The following BBX variants were observed in gnomAD, a reference collection of about 807,000 sequenced individuals.
The protein encoded by BBX is BBX high mobility group box domain containing.
In BBX, 30 loss-of-function variants were observed where a neutral mutation model predicts 100.2. The ratio of observed to expected loss-of-function variants is 0.30; its 90% CI spans 0.22 to 0.41. The LOEUF is 0.41. BBX is among the 10% of genes least tolerant of loss of function. BBX has a pLI of 1.00. For synonymous variants in BBX, 376 were observed against 388.1 expected (o/e 0.97, Z 0.37); for missense variants, 1,023 against 1,129.8 (o/e 0.91, Z 1.35).
chr3:107,692,170 T>TTTTATTTATTTA (rs201883262), intron 3 of BBX, among the ~76,000 whole-genome samples: 6,754 of 148,062 alleles, frequency 0.046, 430 homozygotes, highest in African/African-American at 0.14. Context: ...TTTTTAATTA[T>TTTTATTTATTTA]TTTATTTATT....
At chr3:107,573,560 A>C (rs1405765552) in intron 2 of BBX, among the ~76,000 whole-genome samples, 1 of 152,108 alleles carries the variant, frequency 6.6e-6, no homozygotes, top group Non-Finnish European at 1.5e-5. Context: ...ACTCCGTCTC[A>C]AAACAAACAA....
intron 3 of BBX, among the ~76,000 whole-genome samples, chr3:107,672,426 A>G (rs1021199679): frequency 3.9e-5 from 6 of 152,014 alleles, no homozygotes; most frequent in Admixed American, 1.3e-4. Flanking sequence ...TAAGTTGAGT[A>G]TGGGATTTCA....
At chr3:107,738,539 G>A (rs184030622) in intron 7 of BBX, among the ~76,000 whole-genome samples, 24 of 152,282 alleles carry the variant, frequency 1.6e-4, no homozygotes, top group Admixed American at 1.0e-3. Flanking sequence ...TTACCATTAG[G>A]TGAGGAAACA....
intron 3 of BBX, among the ~76,000 whole-genome samples, chr3:107,708,193 C>A (rs1251153542): frequency 6.7e-6 from 1 of 150,026 alleles, no homozygotes; most frequent in African/African-American, 2.5e-5. Context: ...CACAAGAAAT[C>A]TTCTCTTATT....
chr3:107,523,043 A>T lies in BBX; in HGVS notation c.-220A>T, dbSNP rs1164028682. On this transcript the variant is annotated 5_prime_UTR_variant, in exon 1 of 18. Coordinates refer to ENST00000325805, the MANE Select transcript of BBX (RefSeq NM_001142568.3). Reference sequence around the variant, plus strand: ...CGAGCTTCTCTCCACTTTCCCATAGAGAAACCCTGACTGGCCGCTGAGGGC... The same window carrying T: ...CGAGCTTCTCTCCACTTTCCCATAGTGAAACCCTGACTGGCCGCTGAGGGC... 1 of 154,286 alleles carries T rather than the reference A, an allele frequency of 6.5e-6. No homozygotes were observed. Among genetic ancestry groups the T allele is most frequent in the African/African-American group, 2.4e-5 (1 of 41,476 alleles). The allele number at this position is 154,286 out of a possible 1,614,324, so 9.6% of individuals were successfully genotyped here. A position where few individuals can be genotyped will look rare whatever the true frequency, so the allele number is the denominator to read the frequency against.
chr3:107,577,562 G>A (rs982165952), intron 2 of BBX, among the ~76,000 whole-genome samples: 1 of 152,096 alleles, frequency 6.6e-6, no homozygotes, highest in Non-Finnish European at 1.5e-5. Flanking sequence ...AATAGTACCT[G>A]CCTCACTGAT....
chr3:107,627,812 G>T (rs1007204991), intron 2 of BBX, among the ~76,000 whole-genome samples: 3 of 151,934 alleles, frequency 2.0e-5, no homozygotes, highest in Non-Finnish European at 4.4e-5. Context: ...AAGAAAGAAA[G>T]CATGAACTTT....
Position 107,673,326 on chromosome 3 carries a change from A to G in BBX, c.-10+27417A>G, listed in dbSNP as rs1274828167. 2.0e-5 allele frequency among the ~76,000 whole-genome samples: 3 copies of G among 152,210 alleles called. No individual in the cohort carries two copies. In the East Asian group the frequency reaches 5.8e-4, roughly 29 times the overall value. ...AATTAGATATGTTTGATTAGGGCAA[A>G]GAGTTTTTCTTGGGGTATGGTAGTA... On this transcript the variant is annotated intron_variant, in intron 3 of 17. Transcript: ENST00000325805.
Position 107,773,711 on chromosome 3 carries a change from C to T in BBX, c.1915+75C>T, listed in dbSNP as rs2067091113. The T allele has an allele frequency of 7.4e-7, 1 of 1,342,700 alleles. No individual in the cohort carries two copies. 83.2% of individuals were successfully genotyped at this position (1,342,700 alleles called of 1,614,324 possible). On this transcript the variant is annotated intron_variant, in intron 11 of 17. Coordinates refer to ENST00000325805, the MANE Select transcript of BBX (RefSeq NM_001142568.3). This position sits in a 1 kb window ranked among gnomAD's most constrained non-coding sequence, Gnocchi z 4.1. ...TCACCTTTAGACCTATTGAAAACAA[C>T]TGCCATAAAAAACAATATGGTATCA...
At chr3:107,659,410 AT>A (rs903549834) in intron 3 of BBX, among the ~76,000 whole-genome samples, 2 of 152,038 alleles carry the variant, frequency 1.3e-5, no homozygotes, top group African/African-American at 2.4e-5. Flanking sequence ...TTTATGTATA[AT>A]TTTTTGATGT....
intron 17 of BBX, among the ~76,000 whole-genome samples, chr3:107,803,342 A>T (rs1035397548): frequency 2.0e-5 from 3 of 151,900 alleles, no homozygotes; most frequent in African/African-American, 7.3e-5. Flanking sequence ...TTGAGCCCCT[A>T]CCTGTTAAAG....
At position 107,548,193 on chromosome 3, in the gene BBX, T is replaced by C. The variant is rs193182576; in HGVS notation, c.-84+21795T>C. 9.8e-4 allele frequency among the ~76,000 whole-genome samples: 149 copies of C among 152,342 alleles called. 1 individual carries two copies. The highest frequency in any genetic ancestry group is 3.4e-3 in the African/African-American group (142 of 41,574). On this transcript the variant is annotated intron_variant, in intron 2 of 17. Coordinates refer to ENST00000325805, the MANE Select transcript of BBX (RefSeq NM_001142568.3). ...ACAAGGCACTTAACCTCTTGGATTC[T>C]AGTTTCCTCATCCATAAACGAGGAA... is the stretch of plus-strand genomic sequence containing the variant.
At chr3:107,551,097 T>C (rs1427345182) in intron 2 of BBX, among the ~76,000 whole-genome samples, 2 of 152,210 alleles carry the variant, frequency 1.3e-5, no homozygotes, top group East Asian at 3.8e-4. Flanking sequence ...TTAAATAAAG[T>C]TATTATATCA....
chr3:107,733,035 CT>C lies in BBX; in HGVS notation c.669+16del. Reference sequence around the variant, plus strand: ...TTGGCACACCAGAGGTAAGCCAGTCCTTTTCCGTCTCCACTCTGCTCATACT... The same window carrying C: ...TTGGCACACCAGAGGTAAGCCAGTCCTTTCCGTCTCCACTCTGCTCATACT... On this transcript the variant is annotated intron_variant, in intron 7 of 17. Transcript: ENST00000325805. 1 of 1,609,496 alleles carries C rather than the reference CT, an allele frequency of 6.2e-7. No individual in the cohort carries two copies. The highest frequency in any genetic ancestry group is 8.5e-7 in the Non-Finnish European group (1 of 1,177,066).
At chr3:107,632,080 G>T (rs200911766) in intron 2 of BBX, among the ~76,000 whole-genome samples, 3 of 67,956 alleles carry the variant, frequency 4.4e-5, no homozygotes, top group Non-Finnish European at 6.0e-5. Flanking sequence ...TGCTTTTTTT[G>T]TTGTTGTTGT....
chr3:107,738,690 T>G (rs1309861995), intron 7 of BBX, among the ~76,000 whole-genome samples: 1 of 152,168 alleles, frequency 6.6e-6, no homozygotes, highest in Non-Finnish European at 1.5e-5. Context: ...CAATCCAACC[T>G]TAGCTCTGGC....
At chr3:107,620,036 G>T (rs1235445949) in intron 2 of BBX, among the ~76,000 whole-genome samples, 2 of 151,880 alleles carry the variant, frequency 1.3e-5, no homozygotes, top group Admixed American at 6.6e-5. Flanking sequence ...TAGTTCTTTT[G>T]TTACTGTTTC....
At chr3:107,680,015 C>G (rs1238651684) in intron 3 of BBX, among the ~76,000 whole-genome samples, 5 of 152,134 alleles carry the variant, frequency 3.3e-5, no homozygotes. Context: ...TCCCTGGGAT[C>G]AGGGAAGGCT....
chr3:107,682,874 C>T (rs2059640952), intron 3 of BBX, among the ~76,000 whole-genome samples: 1 of 152,134 alleles, frequency 6.6e-6, no homozygotes, highest in African/African-American at 2.4e-5. Context: ...AAATCACTTT[C>T]CACTGCAGCA....
Sources: allele counts gnomAD v4.1 joint callset (sites outside exome capture counted in the v4.1 genomes callset), GRCh38; gene constraint gnomAD v4.1.1; non-coding constraint Gnocchi (gnomAD v3.1); transcripts MANE v1.5; gene names NCBI Gene and HGNC (gene_info 2026-07-23, HGNC 2026-07-21).